SLC12A7: variants seen among roughly 807,000 people sequenced by gnomAD.
The protein encoded by SLC12A7 is K-Cl cotransporter 4.
A neutral mutation model predicts 120.6 loss-of-function variants in SLC12A7; 100 were observed. The observed-to-expected ratio is 0.83, with a 90% CI of 0.71 to 0.98. SLC12A7 has a LOEUF of 0.98. SLC12A7 is among the 50% of genes least tolerant of loss of function. The pLI is 0.00. For synonymous variants in SLC12A7, 760 were observed against 678.0 expected, an observed-to-expected ratio of 1.12 and a Z score of -1.88; for missense variants, 1,373 against 1,548.1, an observed-to-expected ratio of 0.89 and a Z score of 1.90.
intron 6 of SLC12A7, among the ~76,000 whole-genome samples, chr5:1,085,789 T>C (rs887484974): frequency 6.6e-6 from 1 of 152,040 alleles, no homozygotes; most frequent in African/African-American, 2.4e-5. Flanking sequence ...CCGGGAGCCT[T>C]AGAGTAAAGC....
At chr5:1,116,322 A>G (rs951730931), upstream of SLC12A7, among the ~76,000 whole-genome samples, 2 of 152,232 alleles carry the variant, frequency 1.3e-5, no homozygotes, top group African/African-American at 2.4e-5. Flanking sequence ...GGCCTGGTGG[A>G]TGGTGGGCCT....
chr5:1,065,203 C>CGAGGGG (rs1736901551), intron 18 of SLC12A7, 80 bp downstream of exon 18: 6 of 7,702 alleles, frequency 7.8e-4, no homozygotes, highest in African/African-American at 9.2e-4. Flanking sequence ...TGAGGAGACA[C>CGAGGGG]ACAGGGGACA....
the SLC12A7 span, among the ~76,000 whole-genome samples, chr5:1,145,657 G>A: frequency 6.6e-6 from 1 of 151,864 alleles, no homozygotes; most frequent in African/African-American, 2.4e-5. This position sits in a 1 kb window ranked among gnomAD's most constrained non-coding sequence, Gnocchi z 4.4. Context: ...GAGTAATTTA[G>A]ATTAAACAGG....
At chr5:1,151,520 C>A in the SLC12A7 span, among the ~76,000 whole-genome samples, 1 of 152,122 alleles carries the variant, frequency 6.6e-6, no homozygotes, top group Non-Finnish European at 1.5e-5. This position sits in a 1 kb window ranked among gnomAD's most constrained non-coding sequence, Gnocchi z 6.2. Flanking sequence ...GCCCCACCAG[C>A]CATAACAACA....
chr5:1,152,590 T>TCCCCCAAGCTAGAGAAGGGAGA, the SLC12A7 span, among the ~76,000 whole-genome samples: 248 of 143,384 alleles, frequency 1.7e-3, no homozygotes, highest in South Asian at 4.0e-3. Flanking sequence ...GAGAAGGGAG[T>TCCCCCAAGCTAGAGAAGGGAGA]CCCCCAAGCT....
Position 1,082,977 on chromosome 5 carries a change from CTA to C in SLC12A7, c.1129+766_1129+767del, listed in dbSNP as rs1561074185. On this transcript the variant is annotated intron_variant, in intron 8 of 23. Transcript: ENST00000264930. ...GTTCTGGAAAGCCTGGGCTTCCTCT[CTA>C]GGGTTCTGGAAAGTCCGGGCTTCCC... Among the ~76,000 whole-genome samples, 132 of 93,242 alleles carry C rather than the reference CTA, an allele frequency of 1.4e-3. 23 individuals carry two copies. The highest frequency in any genetic ancestry group is 5.2e-3 in the Middle Eastern group (1 of 192). 61.2% of individuals were successfully genotyped at this position (93,242 alleles called of 152,430 possible).
the SLC12A7 span, among the ~76,000 whole-genome samples, chr5:1,127,545 G>A: frequency 6.6e-6 from 1 of 152,254 alleles, no homozygotes; most frequent in Non-Finnish European, 1.5e-5. Context: ...AGGCAGATCT[G>A]TGAAGCCACA....
intron 3 of SLC12A7, among the ~76,000 whole-genome samples, chr5:1,093,324 G>A (rs1241225171): frequency 6.6e-6 from 1 of 152,180 alleles, no homozygotes; most frequent in African/African-American, 2.4e-5. Flanking sequence ...GGGGTGTCAC[G>A]CTTCCCCGGA....
chr5:1,154,354 A>AACACACACACACACACACACAC, the SLC12A7 span, among the ~76,000 whole-genome samples: 3 of 141,808 alleles, frequency 2.1e-5, no homozygotes, highest in African/African-American at 7.9e-5. Flanking sequence ...TGGTGTCCGC[A>AACACACACACACACACACACAC]ACACACACAC....
At chr5:1,099,478 G>T (rs1222651331) in intron 1 of SLC12A7, among the ~76,000 whole-genome samples, 1 of 142,162 alleles carries the variant, frequency 7.0e-6, no homozygotes, top group East Asian at 1.9e-4. Flanking sequence ...GGCAGGGCCC[G>T]ACCCAGTCCA....
chr5:1,057,921 G>A (rs111552633), intron 21 of SLC12A7, among the ~76,000 whole-genome samples: 1,791 of 152,346 alleles, frequency 0.012, 26 homozygotes, highest in East Asian at 0.039. Flanking sequence ...ACTGACAGGA[G>A]GTGACACGTG....
Position 1,050,565 on chromosome 5 carries a change from G to C in SLC12A7, c.*1795C>G. 6.5e-6 allele frequency: 2 copies of C among 308,694 alleles called. No homozygotes were observed. Among genetic ancestry groups the C allele is most frequent in the Non-Finnish European group, 1.2e-5 (2 of 169,794 alleles). 19.1% of individuals were successfully genotyped at this position (308,694 alleles called of 1,614,324 possible). Reference sequence around the variant, plus strand: ...GGCGGGGGCAGAGCTGAGCCCTCAGGAGGTGGTTTCGTGTGCAGAACTGAG... The same window carrying C: ...GGCGGGGGCAGAGCTGAGCCCTCAGCAGGTGGTTTCGTGTGCAGAACTGAG... On this transcript the variant is annotated 3_prime_UTR_variant, in exon 24 of 24. Coordinates refer to ENST00000264930, the MANE Select transcript of SLC12A7 (RefSeq NM_006598.3).
the SLC12A7 span, among the ~76,000 whole-genome samples, chr5:1,129,921 T>A: frequency 6.6e-6 from 1 of 152,050 alleles, no homozygotes; most frequent in Non-Finnish European, 1.5e-5. Flanking sequence ...AGCCATCACC[T>A]GACTCCCAGG....
intron 1 of SLC12A7, among the ~76,000 whole-genome samples, chr5:1,110,069 C>T (rs963237060): frequency 6.6e-6 from 1 of 152,236 alleles, no homozygotes; most frequent in Non-Finnish European, 1.5e-5. Flanking sequence ...CTCCTCGCCG[C>T]ACCTCTGTGG....
At chr5:1,138,311 C>G in the SLC12A7 span, among the ~76,000 whole-genome samples, 1 of 152,244 alleles carries the variant, frequency 6.6e-6, no homozygotes, top group Non-Finnish European at 1.5e-5. Flanking sequence ...CCACCCACAT[C>G]CTGCTGATTG....
intron 9 of SLC12A7, 52 bp downstream of exon 9, chr5:1,081,525 A>C: frequency 6.4e-7 from 1 of 1,565,852 alleles, no homozygotes; most frequent in South Asian, 1.2e-5. Context: ...TTGCCTCAAA[A>C]AAGAGAGGGA....
intron 7 of SLC12A7, among the ~76,000 whole-genome samples, chr5:1,084,377 C>T (rs1315607028): frequency 4.6e-5 from 7 of 152,212 alleles, no homozygotes; most frequent in Non-Finnish European, 1.0e-4. Flanking sequence ...CCAGCACAGC[C>T]ACGCTGCAGC....
intron 4 of SLC12A7, 100 bp from the exon 5 acceptor site, chr5:1,088,460 G>T: frequency 7.8e-7 from 1 of 1,288,042 alleles, no homozygotes; most frequent in Non-Finnish European, 1.1e-6. Flanking sequence ...CCCGCCGAAT[G>T]CCAGCCCCCA....
chr5:1,117,742 G>A, the SLC12A7 span, among the ~76,000 whole-genome samples: 1 of 152,158 alleles, frequency 6.6e-6, no homozygotes, highest in Non-Finnish European at 1.5e-5. This position sits in a 1 kb window ranked among gnomAD's most constrained non-coding sequence, Gnocchi z 4.5. Context: ...CAGCACTCCT[G>A]GCTCACTGGC....
Sources: gnomAD v4.1 joint callset for allele counts (sites outside exome capture counted in the v4.1 genomes callset) on GRCh38, gnomAD v4.1.1 for gene constraint, Gnocchi (gnomAD v3.1) non-coding constraint, MANE v1.5 for transcripts, NCBI Gene and HGNC (gene_info 2026-07-23, HGNC 2026-07-21) for gene names.